Variants in LHFPL3 observed in about 807,000 individuals in gnomAD.
LHFPL3 encodes the protein LHFPL tetraspan subfamily member 3.
LHFPL3 carries 5 observed loss-of-function variants against 19.3 expected under a neutral mutation model. The observed-to-expected ratio is 0.26, with a 90% CI of 0.14 to 0.54. LHFPL3 has a LOEUF of 0.54. Ranked by LOEUF, LHFPL3 falls within the 20% of genes least tolerant of loss-of-function variation. The pLI, the probability that LHFPL3 is intolerant of heterozygous loss-of-function variation, is 0.94. For missense variants in LHFPL3, 249 were observed against 307.4 expected (o/e 0.81, Z 1.42); for synonymous variants, 133 against 126.2 (o/e 1.05, Z -0.36).
intron 1 of LHFPL3, among the ~76,000 whole-genome samples, chr7:104,467,910 T>G (rs1792824606): frequency 6.6e-6 from 1 of 152,222 alleles, no homozygotes; most frequent in Non-Finnish European, 1.5e-5. Flanking sequence ...GGCTGACCCA[T>G]GAATTTCCTT....
intron 1 of LHFPL3, among the ~76,000 whole-genome samples, chr7:104,347,769 G>T (rs10280803): frequency 2.0e-4 from 31 of 151,964 alleles, no homozygotes; most frequent in Non-Finnish European, 3.7e-4. Flanking sequence ...GCACGCCCCT[G>T]TAATCCCAGT....
At chr7:104,495,653 G>A (rs985022702) in intron 1 of LHFPL3, among the ~76,000 whole-genome samples, 3 of 152,144 alleles carry the variant, frequency 2.0e-5, no homozygotes, top group African/African-American at 7.2e-5. Flanking sequence ...AAAGTGCTGG[G>A]ATTACAGGCT....
chr7:104,647,271 C>A (rs1377111577), intron 1 of LHFPL3, among the ~76,000 whole-genome samples: 1 of 152,176 alleles, frequency 6.6e-6, no homozygotes, highest in Non-Finnish European at 1.5e-5. Context: ...TCATGGCATG[C>A]ACCACCCCAA....
At chr7:104,680,249 A>C (rs1489377005) in intron 1 of LHFPL3, among the ~76,000 whole-genome samples, 1 of 152,132 alleles carries the variant, frequency 6.6e-6, no homozygotes, top group Non-Finnish European at 1.5e-5. Flanking sequence ...TCAGCAGGGA[A>C]CCTCCCTATG....
chr7:104,856,343 G>A (rs950543716), intron 2 of LHFPL3, among the ~76,000 whole-genome samples: 8 of 146,878 alleles, frequency 5.4e-5, no homozygotes, highest in East Asian at 4.1e-4. Context: ...CTCTGCCTCC[G>A]GATTCAAGCA....
chr7:104,700,166 G>C (rs571934768), intron 1 of LHFPL3, among the ~76,000 whole-genome samples: 2 of 152,312 alleles, frequency 1.3e-5, no homozygotes, highest in East Asian at 3.9e-4. Flanking sequence ...ATGGAAACAA[G>C]AGGAGCTGCC....
chr7:104,419,247 C>G (rs1342181735), intron 1 of LHFPL3, among the ~76,000 whole-genome samples: 1 of 152,178 alleles, frequency 6.6e-6, no homozygotes, highest in Non-Finnish European at 1.5e-5. Context: ...TTAGTAGGGA[C>G]TAGCGTGTCA....
chr7:104,471,144 T>C (rs1792899959), intron 1 of LHFPL3, among the ~76,000 whole-genome samples: 1 of 152,216 alleles, frequency 6.6e-6, no homozygotes, highest in African/African-American at 2.4e-5. Context: ...AAACATTTCT[T>C]TCTATACGGT....
intron 2 of LHFPL3, among the ~76,000 whole-genome samples, chr7:104,807,838 T>C (rs1790393579): frequency 6.6e-6 from 1 of 152,242 alleles, no homozygotes; most frequent in African/African-American, 2.4e-5. Context: ...TAAAGCACAC[T>C]CATGATTGAA....
At chr7:104,815,071 A>G (rs965194069) in intron 2 of LHFPL3, among the ~76,000 whole-genome samples, 2 of 152,090 alleles carry the variant, frequency 1.3e-5, no homozygotes, top group African/African-American at 4.8e-5. Flanking sequence ...AGCTATGCCC[A>G]GGAAAGTGGG....
At chr7:104,835,983 G>A (rs986516782) in intron 2 of LHFPL3, among the ~76,000 whole-genome samples, 2 of 151,928 alleles carry the variant, frequency 1.3e-5, no homozygotes, top group Non-Finnish European at 2.9e-5. Context: ...ATATTAGAAA[G>A]TATAAAGTGC....
chr7:104,770,186 G>A (rs1165103037), intron 2 of LHFPL3, among the ~76,000 whole-genome samples: 1 of 152,010 alleles, frequency 6.6e-6, no homozygotes, highest in Non-Finnish European at 1.5e-5. Flanking sequence ...GTTACTTCAG[G>A]AGACTTAAAG....
At chr7:104,435,211 T>G (rs1584318226) in intron 1 of LHFPL3, among the ~76,000 whole-genome samples, 2 of 152,212 alleles carry the variant, frequency 1.3e-5, no homozygotes, top group South Asian at 4.1e-4. Flanking sequence ...GGTGCAATTA[T>G]AGCTTACTGC....
chr7:104,782,950 A>T (rs1053532296), intron 2 of LHFPL3, among the ~76,000 whole-genome samples: 1 of 152,238 alleles, frequency 6.6e-6, no homozygotes, highest in African/African-American at 2.4e-5. Flanking sequence ...GCACGCGCGC[A>T]CACACACACA....
chr7:104,554,880 G>C (rs937541971), intron 1 of LHFPL3, among the ~76,000 whole-genome samples: 4 of 152,134 alleles, frequency 2.6e-5, no homozygotes, highest in African/African-American at 4.8e-5. Flanking sequence ...AGAACACAGG[G>C]GGACCACTAG....
In LHFPL3 at chr7:104,904,091, A is replaced by T. The variant is rs559427635; in HGVS notation, c.683-2096A>T. ...TTTCCGTAGGGCTTCTGCCAGCATG[A>T]CTCAATCTCAGATAATCATTATAGA... On this transcript the variant is annotated intron_variant, in intron 2 of 2. Coordinates refer to ENST00000424859, the MANE Select transcript of LHFPL3 (RefSeq NM_199000.3). Among the ~76,000 whole-genome samples, 28 of 152,252 alleles carry T rather than the reference A, an allele frequency of 1.8e-4. 2 individuals are homozygous for T. In the South Asian group the frequency reaches 4.6e-3, roughly 25 times the overall value.
chr7:104,586,496 G>A (rs1256625790), intron 1 of LHFPL3, among the ~76,000 whole-genome samples: 1 of 152,020 alleles, frequency 6.6e-6, no homozygotes, highest in Non-Finnish European at 1.5e-5. Context: ...ATTTTTCAAA[G>A]CATTACAACA....
chr7:104,803,714 C>A (rs1790300375), intron 2 of LHFPL3, among the ~76,000 whole-genome samples: 1 of 152,162 alleles, frequency 6.6e-6, no homozygotes, highest in African/African-American at 2.4e-5. Context: ...CACAAACTGC[C>A]CAACTATATG....
At chr7:104,803,046 C>T (rs1790286341) in intron 2 of LHFPL3, 1 of 152,294 alleles carries the variant, frequency 6.6e-6, no homozygotes, top group African/African-American at 2.4e-5. Flanking sequence ...CTCAATCTTA[C>T]ATATCCTCTG....
Sources: allele counts gnomAD v4.1 joint callset (sites outside exome capture counted in the v4.1 genomes callset), GRCh38; gene constraint gnomAD v4.1.1; transcripts MANE v1.5; gene names NCBI Gene and HGNC (gene_info 2026-07-23, HGNC 2026-07-21).